Variants in SCN4A observed in about 807,000 individuals in gnomAD.
The protein encoded by SCN4A is sodium channel protein type 4 subunit alpha.
SCN4A carries 83 observed loss-of-function variants against 162.0 expected under a neutral mutation model. The observed-to-expected ratio is 0.51, with a 90% CI of 0.43 to 0.61. The LOEUF is 0.61. Ranked by LOEUF, SCN4A falls within the 20% of genes least tolerant of loss-of-function variation. The probability of loss-of-function intolerance (pLI) is 0.00; values close to 1 mark genes in which losing one functional copy is unlikely to be tolerated. For synonymous variants in SCN4A, 944 were observed against 985.1 expected (o/e 0.96, Z 0.78); for missense variants, 2,196 against 2,462.5 (o/e 0.89, Z 2.29).
intron 5 of SCN4A, 86 bp downstream of exon 5, chr17:63,971,076 G>A (rs992915662): frequency 2.3e-6 from 2 of 880,238 alleles, no homozygotes; most frequent in African/African-American, 3.3e-5. Flanking sequence ...GCCTGGGAGT[G>A]TTGTGACACT....
At chr17:63,947,220 C>G (rs1908754920) in intron 17 of SCN4A, 53 bp from the exon 18 acceptor site, 2 of 1,607,364 alleles carry the variant, frequency 1.2e-6, no homozygotes, top group African/African-American at 1.3e-5. Flanking sequence ...AGCCTCCCCT[C>G]AAGCCCAGGC....
At position 63,941,045 on chromosome 17, in the gene SCN4A, G is replaced by A. The variant is rs770063781; in HGVS notation, c.5237C>T (p.Ser1746Phe). Residue 1746 changes from serine (S) to phenylalanine (F), a missense_variant, in exon 24 of 24, where the codon TCC (serine) becomes TTC (phenylalanine). Transcript: ENST00000435607. The surrounding 1 kb of genome is among the most constrained non-coding windows in gnomAD (Gnocchi z 6.2). ...RAYRRHLLQR[S>F]MKQASYMYRH... is the part of the protein sequence containing the mutation. ...GTACATGTAGGATGCCTGCTTCATG[G>A]AGCGCTGTAGCAGGTGCCGGCGGTA... The A allele has an allele frequency of 1.9e-5, 31 of 1,613,812 alleles. No homozygotes were observed. The highest frequency in any genetic ancestry group is 2.2e-5 in the East Asian group (1 of 44,888).
rs752906990 is a variant in SCN4A at position 63,945,672 on chromosome 17, C to T, written c.3442-34G>A. ...CAGGGGGTCCATTGCCAGTGCCTCT[C>T]CCAGCCTCTGAGAGAGGGCTCCACA... is the stretch of plus-strand genomic sequence containing the variant. On this transcript the variant is annotated intron_variant, in intron 18 of 23. Coordinates refer to ENST00000435607, the MANE Select transcript of SCN4A (RefSeq NM_000334.4). The surrounding 1 kb of genome is among the most constrained non-coding windows in gnomAD (Gnocchi z 4.4). 1 of 1,612,090 alleles carries T rather than the reference C, an allele frequency of 6.2e-7. No individual in the cohort carries two copies. The highest frequency in any genetic ancestry group is 1.1e-5 in the South Asian group (1 of 91,056).
intron 9 of SCN4A, 138 bp from the exon 10 acceptor site, chr17:63,963,963 G>A (rs990655929): frequency 1.0e-5 from 8 of 803,876 alleles, no homozygotes; most frequent in Admixed American, 8.9e-5. Context: ...TAGTGCAGGT[G>A]GGGGAGGGAC....
At chr17:63,954,737 C>T (rs980339690) in intron 13 of SCN4A, among the ~76,000 whole-genome samples, 12 of 152,136 alleles carry the variant, frequency 7.9e-5, no homozygotes, top group African/African-American at 2.7e-4. Context: ...GACAGTGCCA[C>T]CTCCCTGGGC....
chr17:63,953,333 C>T (rs1226122799), intron 13 of SCN4A, among the ~76,000 whole-genome samples: 1 of 151,114 alleles, frequency 6.6e-6, no homozygotes, highest in Admixed American at 6.6e-5. Flanking sequence ...GCACTCCAGC[C>T]GGGGCGACAG....
At chr17:63,961,105 C>A in intron 11 of SCN4A, 88 bp downstream of exon 11, 1 of 851,384 alleles carries the variant, frequency 1.2e-6, no homozygotes. Context: ...CCACCGTGCC[C>A]TATATTTACA....
intron 17 of SCN4A, among the ~76,000 whole-genome samples, chr17:63,947,418 C>T (rs1400952645): frequency 7.4e-6 from 1 of 135,440 alleles, no homozygotes; most frequent in African/African-American, 2.6e-5. Context: ...GTACCCGACT[C>T]CTTCGGGGAG....
At chr17:63,970,027 G>A (rs1180254287) in intron 5 of SCN4A, among the ~76,000 whole-genome samples, 1 of 152,084 alleles carries the variant, frequency 6.6e-6, no homozygotes, top group Non-Finnish European at 1.5e-5. Flanking sequence ...CTCCTTTACT[G>A]GGAGAGAATC....
chr17:63,961,935 C>T (rs1001100307), intron 10 of SCN4A, among the ~76,000 whole-genome samples: 6 of 149,954 alleles, frequency 4.0e-5, no homozygotes, highest in Non-Finnish European at 8.8e-5. Flanking sequence ...CCCTCTAAAC[C>T]CCGCCCACAT....
Position 63,945,273 on chromosome 17 carries a change from G to A in SCN4A, c.3720+87C>T. The A allele has an allele frequency of 8.0e-7, 1 of 1,245,120 alleles. No individual in the cohort carries two copies. The highest frequency in any genetic ancestry group is 1.1e-6 in the Non-Finnish European group (1 of 875,934). 77.1% of individuals were successfully genotyped at this position (1,245,120 alleles called of 1,614,324 possible). A position where few individuals can be genotyped will look rare whatever the true frequency, so the allele number is the denominator to read the frequency against. On this transcript the variant is annotated intron_variant, in intron 19 of 23. Coordinates refer to ENST00000435607, the MANE Select transcript of SCN4A (RefSeq NM_000334.4). The surrounding 1 kb of genome is among the most constrained non-coding windows in gnomAD (Gnocchi z 4.4). ...AGGGTGGGCGGTCCCCTAACCAGGA[G>A]TGACACTGGGGTTGGGTACAACGAG...
In SCN4A at chr17:63,940,606, G is replaced by A. The variant is rs770770646; in HGVS notation, c.*165C>T. On this transcript the variant is annotated 3_prime_UTR_variant, in exon 24 of 24. Coordinates refer to ENST00000435607, the MANE Select transcript of SCN4A (RefSeq NM_000334.4). ...TTTCCCATGGTCTGGGAACGCAGGC[G>A]CTCGGGCCTGGGTGTCAGCCCCAGT... 12 of 734,572 alleles carry A rather than the reference G, an allele frequency of 1.6e-5. No individual in the cohort carries two copies. Among genetic ancestry groups the A allele is most frequent in the Non-Finnish European group, 2.3e-5 (11 of 486,236 alleles). 45.5% of individuals were successfully genotyped at this position (734,572 alleles called of 1,614,324 possible). A position where few individuals can be genotyped will look rare whatever the true frequency, so the allele number is the denominator to read the frequency against.
At chr17:63,970,200 CT>C (rs1483411111) in intron 5 of SCN4A, among the ~76,000 whole-genome samples, 2 of 152,130 alleles carry the variant, frequency 1.3e-5, no homozygotes, top group East Asian at 3.8e-4. Context: ...CTCATGGAGC[CT>C]TTTTGTGTCT....
At chr17:63,957,566 C>A in intron 12 of SCN4A, 48 bp from the exon 13 acceptor site, 1 of 1,315,994 alleles carries the variant, frequency 7.6e-7, no homozygotes, top group Middle Eastern at 1.8e-4. Flanking sequence ...GGACCACCAC[C>A]CAAGGCAGCC....
intron 13 of SCN4A, among the ~76,000 whole-genome samples, chr17:63,956,027 TCCACTGCCA>T (rs1906827600): frequency 1.3e-5 from 2 of 152,218 alleles, no homozygotes; most frequent in African/African-American, 4.8e-5. Flanking sequence ...AGGAGTGACC[TCCACTGCCA>T]CCCCAAGAAG....
chr17:63,961,415 G>C lies in SCN4A; in HGVS notation c.1623C>G (p.His541Gln), dbSNP rs538390338. The C allele has an allele frequency of 1.4e-4, 233 of 1,613,310 alleles. 3 individuals are homozygous for C. The South Asian group carries it at 2.5e-3, about 17-fold the overall frequency. The change falls in exon 11 of 24, where the codon CAC becomes CAG. Residue 541 changes from histidine (H) to glutamine (Q), a missense_variant. His to Gln is a conservative substitution (Grantham distance 24). Transcript: ENST00000435607. ...TGTACCACCATGGTGGGCACTTTTG[G>C]TGGGCCTCTTCCAGTTCTGGGAGAG... ...SDAMEELEEA[H>Q]QKCPPWWYKC...
chr17:63,956,795 T>A (rs756383334), intron 13 of SCN4A, among the ~76,000 whole-genome samples: 4 of 152,380 alleles, frequency 2.6e-5, no homozygotes, highest in Non-Finnish European at 5.9e-5. Flanking sequence ...TGGGTCTGTC[T>A]GACTCATTAT....
chr17:63,940,622 C>T lies in SCN4A; in HGVS notation c.*149G>A. 4 of 946,682 alleles carry T rather than the reference C, an allele frequency of 4.2e-6. No individual in the cohort carries two copies. Among genetic ancestry groups the T allele is most frequent in the South Asian group, 2.2e-5 (1 of 46,220 alleles). The allele number at this position is 946,682 out of a possible 1,614,324, so 58.6% of individuals were successfully genotyped here. On this transcript the variant is annotated 3_prime_UTR_variant, in exon 24 of 24. Coordinates refer to ENST00000435607, the MANE Select transcript of SCN4A (RefSeq NM_000334.4). ...AACGCAGGCGCTCGGGCCTGGGTGT[C>T]AGCCCCAGTGTGGCCAAATCCTGTC...
At chr17:63,961,661 G>A in intron 10 of SCN4A, 1 of 492,508 alleles carries the variant, frequency 2.0e-6, no homozygotes, top group Non-Finnish European at 3.7e-6. Context: ...CGCTCTGAGC[G>A]CGGCCGGCTC....
Sources: allele counts gnomAD v4.1 joint callset (sites outside exome capture counted in the v4.1 genomes callset), GRCh38; gene constraint gnomAD v4.1.1; non-coding constraint Gnocchi (gnomAD v3.1); transcripts MANE v1.5; gene names NCBI Gene and HGNC (gene_info 2026-07-23, HGNC 2026-07-21).